FGF12: variants seen among roughly 807,000 people sequenced by gnomAD.
FGF12 encodes the protein fibroblast growth factor 12, also known as fibroblast growth factor 12B.
A neutral mutation model predicts 23.6 loss-of-function variants in FGF12; 14 were observed. The ratio of observed to expected loss-of-function variants is 0.59; its 90% CI spans 0.39 to 0.93. The LOEUF (loss-of-function observed/expected upper bound fraction) is 0.93. Among genes scored for constraint, FGF12 ranks in the 40% least tolerant of loss-of-function variants. FGF12 has a pLI of 0.00. For synonymous variants in FGF12, 62 were observed against 77.3 expected, an observed-to-expected ratio of 0.80 and a Z score of 1.04; for missense variants, 175 against 217.8, an observed-to-expected ratio of 0.80 and a Z score of 1.24.
chr3:192,331,855 T>C (rs1220858033), intron 4 of FGF12, among the ~76,000 whole-genome samples: 1 of 152,086 alleles, frequency 6.6e-6, no homozygotes, highest in Non-Finnish European at 1.5e-5. Context: ...TAATATTATT[T>C]TCCAAATGCT....
Position 192,336,678 on chromosome 3 carries a change from G to A in FGF12, c.125-1214C>T, listed in dbSNP as rs1356992841. Among the ~76,000 whole-genome samples the A allele has an allele frequency of 3.3e-5, 5 of 151,960 alleles. No homozygotes were observed. Among genetic ancestry groups the A allele is most frequent in the Non-Finnish European group, 5.9e-5 (4 of 67,974 alleles). ...GTTGATAAAATTCCTATCAGTTCTCGTCTTCTTAGTTTTTAATACAAGATA... is the reference window on the plus strand; with the variant it reads ...GTTGATAAAATTCCTATCAGTTCTCATCTTCTTAGTTTTTAATACAAGATA... On this transcript the variant is annotated intron_variant, in intron 3 of 5. Transcript: ENST00000445105. This position sits in a 1 kb window ranked among gnomAD's most constrained non-coding sequence, Gnocchi z 4.3.
chr3:192,280,906 C>G (rs1207639051), intron 4 of FGF12, among the ~76,000 whole-genome samples: 1 of 152,132 alleles, frequency 6.6e-6, no homozygotes, highest in Non-Finnish European at 1.5e-5. Context: ...AAAATTTAGG[C>G]CTTTTTTGAA....
chr3:192,358,306 A>C (rs892762106), intron 3 of FGF12, among the ~76,000 whole-genome samples: 13 of 152,182 alleles, frequency 8.5e-5, no homozygotes, highest in Non-Finnish European at 1.8e-4. Context: ...TATCCAGATA[A>C]ACTTGTATTA....
At chr3:192,591,737 A>G (rs1280378015) in intron 2 of FGF12, among the ~76,000 whole-genome samples, 1 of 151,940 alleles carries the variant, frequency 6.6e-6, no homozygotes, top group Non-Finnish European at 1.5e-5. Flanking sequence ...TTACGTGGCA[A>G]TAGAAAGTCC....
intron 2 of FGF12, among the ~76,000 whole-genome samples, chr3:192,403,818 A>G (rs1409868094): frequency 6.6e-6 from 1 of 152,094 alleles, no homozygotes; most frequent in Non-Finnish European, 1.5e-5. Flanking sequence ...TCTATTTCCT[A>G]CGATATTTTC....
intron 4 of FGF12, among the ~76,000 whole-genome samples, chr3:192,200,799 G>A (rs1258663526): frequency 6.6e-6 from 1 of 152,110 alleles, no homozygotes; most frequent in Non-Finnish European, 1.5e-5. Context: ...CAAGGCCTAT[G>A]CTCCTTAAGT....
chr3:192,181,721 C>T (rs952205771), intron 4 of FGF12, among the ~76,000 whole-genome samples: 1 of 137,894 alleles, frequency 7.3e-6, no homozygotes, highest in East Asian at 3.5e-4. Context: ...ACCTCCACTG[C>T]CCCAGCTCAA....
intron 4 of FGF12, among the ~76,000 whole-genome samples, chr3:192,258,197 C>T (rs896937265): frequency 2.6e-5 from 4 of 152,052 alleles, no homozygotes; most frequent in African/African-American, 9.7e-5. Context: ...ATGACTCATG[C>T]CTGTAATCCC....
chr3:192,519,601 C>T (rs1051764865), intron 2 of FGF12, among the ~76,000 whole-genome samples: 12 of 152,050 alleles, frequency 7.9e-5, no homozygotes, highest in Non-Finnish European at 1.5e-4. Flanking sequence ...GTGCTAATGT[C>T]CTATTTTTCC....
rs566728289 is a variant in FGF12, at chr3:192,142,496, T to C, written c.*1513A>G. ...ACATTTTTTAACATTCTGTTTTGTG[T>C]TTTTTTTTCTTTAAATTTGGATGTC... On this transcript the variant is annotated 3_prime_UTR_variant, in exon 6 of 6. Coordinates refer to ENST00000445105, the MANE Select transcript of FGF12 (RefSeq NM_004113.6). The C allele has an allele frequency of 6.6e-6, 1 of 151,524 alleles. No individual in the cohort carries two copies. Among genetic ancestry groups the C allele is most frequent in the Admixed American group, 6.6e-5 (1 of 15,172 alleles). The allele number at this position is 151,524 out of a possible 1,614,324, so 9.4% of individuals were successfully genotyped here.
At chr3:192,374,750 C>T (rs1028194623) in intron 2 of FGF12, among the ~76,000 whole-genome samples, 6 of 152,022 alleles carry the variant, frequency 3.9e-5, no homozygotes, top group African/African-American at 1.5e-4. Flanking sequence ...CCCAATGGCT[C>T]ACCCAAATTT....
chr3:192,582,422 A>G (rs567764127), intron 2 of FGF12, among the ~76,000 whole-genome samples: 1 of 152,306 alleles, frequency 6.6e-6, no homozygotes, highest in South Asian at 2.1e-4. Context: ...ACTATTTCCT[A>G]CCTTAATACA....
At chr3:192,449,483 G>A (rs1340370452) in intron 2 of FGF12, among the ~76,000 whole-genome samples, 2 of 152,062 alleles carry the variant, frequency 1.3e-5, no homozygotes, top group Non-Finnish European at 2.9e-5. Context: ...CCTGCTGTCG[G>A]GTAAGCTCCT....
chr3:192,504,476 T>C (rs1257722935), intron 2 of FGF12, among the ~76,000 whole-genome samples: 1 of 152,238 alleles, frequency 6.6e-6, no homozygotes, highest in Non-Finnish European at 1.5e-5. Context: ...TCCCAGAGTA[T>C]TGGAAATAAG....
At chr3:192,561,375 T>C (rs1302753137) in intron 2 of FGF12, among the ~76,000 whole-genome samples, 1 of 152,100 alleles carries the variant, frequency 6.6e-6, no homozygotes, top group Non-Finnish European at 1.5e-5. Flanking sequence ...TTTTCTTTTT[T>C]TTTTTGAGAC....
chr3:192,513,281 T>C (rs1295503789), intron 2 of FGF12, among the ~76,000 whole-genome samples: 2 of 152,144 alleles, frequency 1.3e-5, no homozygotes, highest in African/African-American at 4.8e-5. Flanking sequence ...GTTTAGAATA[T>C]AGTGGTATGA....
At position 192,268,526 on chromosome 3, in the gene FGF12, A is replaced by G. The variant is rs185367972; in HGVS notation, c.228+66835T>C. The G allele has an allele frequency of 2.7e-3, 516 of 189,920 alleles. 4 individuals carry two copies. The highest frequency in any genetic ancestry group is 0.013 in the Middle Eastern group (27 of 2,044). The allele number at this position is 189,920 out of a possible 1,614,324, so 11.8% of individuals were successfully genotyped here. On this transcript the variant is annotated intron_variant, in intron 4 of 5. Coordinates refer to ENST00000445105, the MANE Select transcript of FGF12 (RefSeq NM_004113.6). ...TTTGAATCATGGGAGCAGATGCCTC[A>G]TGAATGGCTTGGGTCATCCCCTTGA...
intron 4 of FGF12, among the ~76,000 whole-genome samples, chr3:192,308,180 T>C (rs1198750473): frequency 6.6e-6 from 1 of 152,044 alleles, no homozygotes; most frequent in Non-Finnish European, 1.5e-5. Flanking sequence ...TCCAACGATA[T>C]TCACGTGAAA....
intron 2 of FGF12, among the ~76,000 whole-genome samples, chr3:192,626,278 GCAGT>G (rs1194404447): frequency 2.0e-5 from 3 of 152,050 alleles, no homozygotes; most frequent in South Asian, 2.1e-4. Flanking sequence ...AATTTTCCAG[GCAGT>G]CAATTAATTA....
Sources: gnomAD v4.1 joint callset for allele counts (sites outside exome capture counted in the v4.1 genomes callset) on GRCh38, gnomAD v4.1.1 for gene constraint, Gnocchi (gnomAD v3.1) non-coding constraint, MANE v1.5 for transcripts, NCBI Gene and HGNC (gene_info 2026-07-23, HGNC 2026-07-21) for gene names.